NFIC: variants seen among roughly 807,000 people sequenced by gnomAD.
The protein encoded by NFIC is nuclear factor 1 C-type.
A neutral mutation model predicts 54.4 loss-of-function variants in NFIC; 12 were observed. The observed-to-expected ratio is 0.22, with a 90% CI of 0.14 to 0.36. The LOEUF (loss-of-function observed/expected upper bound fraction) is 0.36, where lower values mean the gene tolerates loss of function less well. Among genes scored for constraint, NFIC ranks in the 10% least tolerant of loss-of-function variants. The pLI is 1.00. For missense variants in NFIC, 575 were observed against 718.2 expected (o/e 0.80, Z 2.28); for synonymous variants, 322 against 319.2 (o/e 1.01, Z -0.09).
chr19:3,435,256 T>C (rs2072349), intron 6 of NFIC, 49 bp downstream of exon 6: 578,686 of 1,490,874 alleles, frequency 0.39, 119,152 homozygotes, highest in East Asian at 0.71. Context: ...TGAGTCACCG[T>C]GGCGGGAACT....
chr19:3,402,965 C>G (rs1009052148), intron 2 of NFIC, among the ~76,000 whole-genome samples: 7 of 152,104 alleles, frequency 4.6e-5, no homozygotes, highest in Non-Finnish European at 7.3e-5. Context: ...TTGACTACTC[C>G]CCCAAATCTC....
chr19:3,444,594 T>G (rs1242460553), intron 6 of NFIC, among the ~76,000 whole-genome samples: 1 of 152,182 alleles, frequency 6.6e-6, no homozygotes, highest in Non-Finnish European at 1.5e-5. Flanking sequence ...CGCTCCCCCC[T>G]CCTTCCTGCC....
chr19:3,447,900 T>C (rs2082396702), intron 6 of NFIC, among the ~76,000 whole-genome samples: 1 of 152,236 alleles, frequency 6.6e-6, no homozygotes, highest in African/African-American at 2.4e-5. Context: ...GTTTGTTTAC[T>C]TGCTTGTTTG....
chr19:3,433,174 A>G (rs1484933662), intron 3 of NFIC, among the ~76,000 whole-genome samples: 2 of 151,544 alleles, frequency 1.3e-5, no homozygotes, highest in African/African-American at 4.9e-5. Context: ...TGTGTTCCCC[A>G]GGCTGGTCTT....
At chr19:3,400,604 G>A (rs1314833644) in intron 2 of NFIC, among the ~76,000 whole-genome samples, 1 of 152,172 alleles carries the variant, frequency 6.6e-6, no homozygotes, top group Admixed American at 6.5e-5. Context: ...ACTGTGGGGG[G>A]CCGAGGCGGG....
In NFIC at chr19:3,370,418, C is replaced by A. The variant is rs774576172; in HGVS notation, c.30+3752C>A. ...CCTCTCTGCGGCGGAGGTGCCTCTG[C>A]GCGCCAGGGCCAAGCGCCCTGTAAA... On this transcript the variant is annotated intron_variant, in intron 1 of 10. Coordinates refer to ENST00000443272, the MANE Select transcript of NFIC (RefSeq NM_001245002.2). The surrounding 1 kb of genome is among the most constrained non-coding windows in gnomAD (Gnocchi z 5.2). Among the ~76,000 whole-genome samples, 1 of 151,798 alleles carries A rather than the reference C, an allele frequency of 6.6e-6. No homozygotes were observed. Among genetic ancestry groups the A allele is most frequent in the South Asian group, 2.1e-4 (1 of 4,802 alleles).
At chr19:3,362,487 T>A (rs115692429), upstream of NFIC, among the ~76,000 whole-genome samples, 4 of 151,874 alleles carry the variant, frequency 2.6e-5, no homozygotes, top group African/African-American at 9.7e-5. Context: ...AAGGCTGTGA[T>A]GATATATGGG....
At position 3,466,518 on chromosome 19, in the gene NFIC, G is replaced by A. The variant is rs549765373; in HGVS notation, c.*3749G>A. The A allele has an allele frequency of 1.7e-4, 26 of 152,342 alleles. No homozygotes were observed. Among genetic ancestry groups the A allele is most frequent in the African/African-American group, 5.8e-4 (24 of 41,564 alleles). The allele number at this position is 152,342 out of a possible 1,614,324, so 9.4% of individuals were successfully genotyped here. On this transcript the variant is annotated 3_prime_UTR_variant, in exon 11 of 11. Coordinates refer to ENST00000443272, the MANE Select transcript of NFIC (RefSeq NM_001245002.2). This position sits in a 1 kb window ranked among gnomAD's most constrained non-coding sequence, Gnocchi z 4.8. The stretch of plus-strand genomic sequence containing the variant: ...CTCATCCCGTGTTTTCTTCCAAAAA[G>A]TCACCTCAGCAGCCTCCCCAGGCGA...
chr19:3,435,010 G>GT, intron 5 of NFIC, 73 bp from the exon 6 acceptor site: 1 of 1,476,290 alleles, frequency 6.8e-7, no homozygotes, highest in South Asian at 1.3e-5. Context: ...ACCGGAAGTA[G>GT]CAAAGCCCGC....
intron 6 of NFIC, among the ~76,000 whole-genome samples, chr19:3,448,071 T>C (rs570992800): frequency 6.8e-6 from 1 of 147,462 alleles, no homozygotes; most frequent in Admixed American, 6.7e-5. Flanking sequence ...CACCCGACTA[T>C]CCATCTGTTT....
At chr19:3,368,613 C>G (rs2080939571) in intron 1 of NFIC, among the ~76,000 whole-genome samples, 2 of 152,206 alleles carry the variant, frequency 1.3e-5, no homozygotes, top group Admixed American at 6.5e-5. Flanking sequence ...CCCTCCTCCC[C>G]TGCGATTCTC....
At chr19:3,456,408 C>T (rs1459665897) in intron 9 of NFIC, 142 bp from the exon 10 acceptor site, 4 of 735,706 alleles carry the variant, frequency 5.4e-6, no homozygotes, top group East Asian at 2.7e-5. Flanking sequence ...GGGGGTAGGG[C>T]GGCAGGCTCG....
intron 10 of NFIC, among the ~76,000 whole-genome samples, chr19:3,462,453 A>C (rs774137691): frequency 1.3e-5 from 2 of 152,218 alleles, no homozygotes; most frequent in Non-Finnish European, 2.9e-5. Context: ...GTGGTGTGTA[A>C]GTATATCCCC....
At chr19:3,430,171 A>G (rs1009249169) in intron 3 of NFIC, among the ~76,000 whole-genome samples, 23 of 151,902 alleles carry the variant, frequency 1.5e-4, no homozygotes, top group African/African-American at 5.6e-4. Context: ...ACAATGCATC[A>G]TTTTAGCCAT....
Position 3,388,167 on chromosome 19 carries a change from G to A in NFIC, c.562+5924G>A, listed in dbSNP as rs1002556876. Among the ~76,000 whole-genome samples the A allele has an allele frequency of 1.8e-4, 28 of 152,298 alleles. No individual in the cohort carries two copies. In the East Asian group the frequency reaches 4.3e-3, roughly 23 times the overall value. On this transcript the variant is annotated intron_variant, in intron 2 of 10. Coordinates refer to ENST00000443272, the MANE Select transcript of NFIC (RefSeq NM_001245002.2). ...GGGAATGGCGCGGTGGGCAGAGCCC[G>A]GCCCGGGAAGCTCATAGCACGCCAG...
At chr19:3,438,803 G>C (rs867406425) in intron 6 of NFIC, among the ~76,000 whole-genome samples, 1 of 152,104 alleles carries the variant, frequency 6.6e-6, no homozygotes, top group Admixed American at 6.6e-5. Context: ...AGGCCCTGGG[G>C]ACACAGAGAT....
chr19:3,409,655 C>T (rs1205869041), intron 2 of NFIC, among the ~76,000 whole-genome samples: 2 of 142,192 alleles, frequency 1.4e-5, no homozygotes, highest in East Asian at 2.4e-4. Flanking sequence ...TGCTCCCGGG[C>T]GGGAAGGGTG....
At position 3,463,931 on chromosome 19, in the gene NFIC, C is replaced by A; in HGVS notation, c.*1162C>A. 1 of 983,520 alleles carries A rather than the reference C, an allele frequency of 1.0e-6. No homozygotes were observed. The highest frequency in any genetic ancestry group is 1.2e-6 in the Non-Finnish European group (1 of 828,550). The allele number at this position is 983,520 out of a possible 1,614,324, so 60.9% of individuals were successfully genotyped here. A position where few individuals can be genotyped will look rare whatever the true frequency, so the allele number is the denominator to read the frequency against. ...CCCTCCCCTCCAGCCTCTCCACCAGCCCCTCCAGTCAACCCTCATCGCCGT... is the reference window on the plus strand; with the variant it reads ...CCCTCCCCTCCAGCCTCTCCACCAGACCCTCCAGTCAACCCTCATCGCCGT... On this transcript the variant is annotated 3_prime_UTR_variant, in exon 11 of 11. Transcript: ENST00000443272.
intron 2 of NFIC, among the ~76,000 whole-genome samples, chr19:3,388,596 G>A (rs1197758822): frequency 1.3e-5 from 2 of 152,148 alleles, no homozygotes; most frequent in African/African-American, 4.8e-5. Context: ...GCTGAGGCAG[G>A]AGGATCACTT....
Sources: gnomAD v4.1 joint callset for allele counts (sites outside exome capture counted in the v4.1 genomes callset) on GRCh38, gnomAD v4.1.1 for gene constraint, Gnocchi (gnomAD v3.1) non-coding constraint, MANE v1.5 for transcripts, NCBI Gene and HGNC (gene_info 2026-07-23, HGNC 2026-07-21) for gene names.